The following TMTC2 variants were observed in gnomAD, a reference collection of about 807,000 sequenced individuals.
TMTC2 encodes the protein protein O-mannosyl-transferase TMTC2.
TMTC2 carries 43 observed loss-of-function variants against 82.4 expected under a neutral mutation model. The ratio of observed to expected loss-of-function variants is 0.52; its 90% confidence interval spans 0.41 to 0.67. TMTC2 has a LOEUF of 0.67. Among genes scored for constraint, TMTC2 ranks in the 30% least tolerant of loss-of-function variants. The pLI, the probability that TMTC2 is intolerant of heterozygous loss-of-function variation, is 0.00. For missense variants in TMTC2, 919 were observed against 1,012.4 expected (o/e 0.91, Z 1.25); for synonymous variants, 408 against 381.9 (o/e 1.07, Z -0.80).
At chr12:82,722,422 C>G (rs1348504939) in intron 1 of TMTC2, among the ~76,000 whole-genome samples, 1 of 135,004 alleles carries the variant, frequency 7.4e-6, no homozygotes, top group Non-Finnish European at 1.6e-5. Flanking sequence ...AAAAAATTAG[C>G]CGGGCATGGT....
chr12:82,773,404 A>G (rs1278309371), intron 1 of TMTC2, among the ~76,000 whole-genome samples: 1 of 152,088 alleles, frequency 6.6e-6, no homozygotes, highest in Non-Finnish European at 1.5e-5. Flanking sequence ...TGTCCTGAGG[A>G]CTAAAGAAAA....
chr12:82,992,663 C>G (rs1879449663), intron 8 of TMTC2, among the ~76,000 whole-genome samples: 1 of 152,108 alleles, frequency 6.6e-6, no homozygotes, highest in Admixed American at 6.5e-5. Flanking sequence ...TACTCTGAAG[C>G]ATAATGAATC....
At chr12:82,899,261 C>T (rs1483186278) in intron 3 of TMTC2, among the ~76,000 whole-genome samples, 1 of 152,112 alleles carries the variant, frequency 6.6e-6, no homozygotes, top group Non-Finnish European at 1.5e-5. Flanking sequence ...AACTGCCTTA[C>T]TTGCAGGCTT....
chr12:82,807,925 G>C (rs1352371227), intron 1 of TMTC2, among the ~76,000 whole-genome samples: 1 of 151,894 alleles, frequency 6.6e-6, no homozygotes, highest in Non-Finnish European at 1.5e-5. Flanking sequence ...TATATTTGTA[G>C]CTACCTAAAA....
At chr12:83,073,320 C>A (rs943732456) in intron 11 of TMTC2, among the ~76,000 whole-genome samples, 5 of 152,244 alleles carry the variant, frequency 3.3e-5, no homozygotes, top group Non-Finnish European at 7.4e-5. Context: ...GCCCTTCTAG[C>A]TTATAGGGTT....
At chr12:83,085,054 G>C (rs1359006413) in intron 11 of TMTC2, among the ~76,000 whole-genome samples, 1 of 152,140 alleles carries the variant, frequency 6.6e-6, no homozygotes, top group Non-Finnish European at 1.5e-5. Flanking sequence ...TCTTATGTAG[G>C]GGTTGGTTGT....
At chr12:82,858,415 A>G (rs1871365329) in intron 2 of TMTC2, among the ~76,000 whole-genome samples, 1 of 152,208 alleles carries the variant, frequency 6.6e-6, no homozygotes, top group Non-Finnish European at 1.5e-5. Context: ...GTGAAGACGG[A>G]ACTGGGCCAG....
At chr12:82,895,782 T>C (rs776650041) in intron 2 of TMTC2, 36 bp from the exon 3 acceptor site, 7 of 1,554,854 alleles carry the variant, frequency 4.5e-6, no homozygotes, top group African/African-American at 1.4e-5. Context: ...GTACTGATAA[T>C]AATCTTAATT....
chr12:82,812,559 A>G (rs1868459540), intron 1 of TMTC2, among the ~76,000 whole-genome samples: 1 of 152,102 alleles, frequency 6.6e-6, no homozygotes, highest in Non-Finnish European at 1.5e-5. Flanking sequence ...ATTAAATTAA[A>G]CTATTGGATA....
At chr12:82,724,700 A>C (rs536508983) in intron 1 of TMTC2, among the ~76,000 whole-genome samples, 1 of 152,312 alleles carries the variant, frequency 6.6e-6, no homozygotes, top group Non-Finnish European at 1.5e-5. Flanking sequence ...ACTTACAACC[A>C]GTTGTCAGGT....
At chr12:82,914,116 CTT>C (rs548036312) in intron 3 of TMTC2, among the ~76,000 whole-genome samples, 30 of 152,326 alleles carry the variant, frequency 2.0e-4, no homozygotes, top group African/African-American at 7.0e-4. Flanking sequence ...ACTTCCCATT[CTT>C]TTCTGTTGTT....
Position 82,895,453 on chromosome 12 carries a change from C to T in TMTC2, c.655-365C>T, listed in dbSNP as rs188469882. On this transcript the variant is annotated intron_variant, in intron 2 of 11. Coordinates refer to ENST00000321196, the MANE Select transcript of TMTC2 (RefSeq NM_152588.3). ...AGGTGCCTTTATCTTATGCAGAGTG[C>T]TAAGTACTGTACATTGTGGTCCCCT... is the stretch of plus-strand genomic sequence containing the variant. Among the ~76,000 whole-genome samples the T allele has an allele frequency of 4.5e-4, 68 of 152,158 alleles. 2 individuals carry two copies. The East Asian group carries it at 0.012, about 28-fold the overall frequency.
chr12:82,942,677 A>G (rs921107577), intron 4 of TMTC2, among the ~76,000 whole-genome samples: 26 of 152,212 alleles, frequency 1.7e-4, no homozygotes, highest in South Asian at 2.1e-4. Flanking sequence ...AAGACATACT[A>G]TATTCAAGAT....
At chr12:82,956,774 G>A (rs1017390429) in intron 4 of TMTC2, among the ~76,000 whole-genome samples, 1 of 152,038 alleles carries the variant, frequency 6.6e-6, no homozygotes, top group African/African-American at 2.4e-5. Flanking sequence ...GACTTTAAAT[G>A]AGCATAAGTA....
At chr12:82,846,788 T>G (rs561005479) in intron 1 of TMTC2, among the ~76,000 whole-genome samples, 1 of 152,238 alleles carries the variant, frequency 6.6e-6, no homozygotes, top group East Asian at 1.9e-4. Context: ...ATATGTGTGG[T>G]AACAATTTAT....
At chr12:83,019,930 G>A (rs1265219340) in intron 8 of TMTC2, among the ~76,000 whole-genome samples, 3 of 152,024 alleles carry the variant, frequency 2.0e-5, no homozygotes, top group South Asian at 2.1e-4. Context: ...TGTATGGTTC[G>A]CCTTCACTCC....
intron 1 of TMTC2, among the ~76,000 whole-genome samples, chr12:82,800,394 A>T (rs1204929629): frequency 6.6e-6 from 1 of 152,120 alleles, no homozygotes; most frequent in Non-Finnish European, 1.5e-5. Flanking sequence ...CTACGCTGTC[A>T]TGATTCCTGC....
At chr12:82,695,851 C>T (rs1217443087) in intron 1 of TMTC2, among the ~76,000 whole-genome samples, 2 of 152,180 alleles carry the variant, frequency 1.3e-5, no homozygotes, top group East Asian at 3.8e-4. Context: ...GTGGGGCTGG[C>T]AGCTGAAATT....
chr12:82,886,440 T>C (rs1020871071), intron 2 of TMTC2, among the ~76,000 whole-genome samples: 3 of 152,226 alleles, frequency 2.0e-5, no homozygotes, highest in Non-Finnish European at 4.4e-5. Flanking sequence ...TAGCTGGAGA[T>C]GTACTAATGC....
Sources: gnomAD v4.1 joint callset for allele counts (sites outside exome capture counted in the v4.1 genomes callset) on GRCh38, gnomAD v4.1.1 for gene constraint, MANE v1.5 for transcripts, NCBI Gene and HGNC (gene_info 2026-07-23, HGNC 2026-07-21) for gene names.